KCTD8: variants seen among roughly 807,000 people sequenced by gnomAD.
KCTD8 encodes potassium channel tetramerization domain containing 8.
A neutral mutation model predicts 31.5 loss-of-function variants in KCTD8; 27 were observed. The observed-to-expected ratio is 0.86, with a 90% CI of 0.63 to 1.18. KCTD8 has a LOEUF of 1.18. KCTD8 is among the 50% of genes most tolerant of loss of function. KCTD8 has a pLI of 0.00. For missense variants in KCTD8, 658 were observed against 647.7 expected, an observed-to-expected ratio of 1.02 and a Z score of -0.17; for synonymous variants, 290 against 280.0, an observed-to-expected ratio of 1.04 and a Z score of -0.36.
At chr4:44,260,403 T>G (rs1442680057) in intron 1 of KCTD8, among the ~76,000 whole-genome samples, 1 of 151,696 alleles carries the variant, frequency 6.6e-6, no homozygotes, top group Non-Finnish European at 1.5e-5. Context: ...GCAAAAAAAG[T>G]TGAGAACAAC....
intron 1 of KCTD8, among the ~76,000 whole-genome samples, chr4:44,219,853 T>C (rs116472924): frequency 0.02 from 3,065 of 152,314 alleles, 57 homozygotes; most frequent in Non-Finnish European, 0.029. Context: ...ATGACTGACC[T>C]GTATCAGCGA....
intron 1 of KCTD8, among the ~76,000 whole-genome samples, chr4:44,307,736 T>G (rs748154613): frequency 6.6e-6 from 1 of 152,048 alleles, no homozygotes; most frequent in Non-Finnish European, 1.5e-5. Flanking sequence ...GTTTTCATTA[T>G]ATCAACTGAC....
chr4:44,342,840 T>G (rs1164124058), intron 1 of KCTD8, among the ~76,000 whole-genome samples: 1 of 152,228 alleles, frequency 6.6e-6, no homozygotes, highest in East Asian at 1.9e-4. Flanking sequence ...TTCTGAAACC[T>G]CATGCACTAA....
At chr4:44,355,558 G>T (rs1365232176) in intron 1 of KCTD8, among the ~76,000 whole-genome samples, 6 of 152,092 alleles carry the variant, frequency 3.9e-5, no homozygotes, top group Admixed American at 6.5e-5. Flanking sequence ...ATTATAGATG[G>T]TTCTAATTCT....
At chr4:44,330,044 C>T (rs1718556233) in intron 1 of KCTD8, among the ~76,000 whole-genome samples, 1 of 151,728 alleles carries the variant, frequency 6.6e-6, no homozygotes, top group Non-Finnish European at 1.5e-5. Flanking sequence ...TATAGAAAAG[C>T]CCCATCAATT....
intron 1 of KCTD8, among the ~76,000 whole-genome samples, chr4:44,301,525 G>A (rs1180123643): frequency 6.6e-6 from 1 of 152,160 alleles, no homozygotes; most frequent in Admixed American, 6.5e-5. Context: ...CTTTTGAGAA[G>A]TGTCTGTTCA....
At chr4:44,399,226 T>A (rs1023874752) in intron 1 of KCTD8, among the ~76,000 whole-genome samples, 1 of 151,880 alleles carries the variant, frequency 6.6e-6, no homozygotes, top group Non-Finnish European at 1.5e-5. Flanking sequence ...ACAATTTCAA[T>A]CAAGAAAGTA....
chr4:44,389,970 T>C (rs182838386), intron 1 of KCTD8, among the ~76,000 whole-genome samples: 37 of 152,134 alleles, frequency 2.4e-4, no homozygotes, highest in African/African-American at 8.2e-4. Flanking sequence ...TAGCCTACTT[T>C]TTGATGGGAT....
At position 44,181,730 on chromosome 4, in the gene KCTD8, C is replaced by T. The variant is rs1306658924; in HGVS notation, c.962-6480G>A. ...CCCATTGTCTGGGATGCCAGGAGCCCCTCTGCCCGGCTGCCCAGTCTGGGA... is the reference window on the plus strand; with the variant it reads ...CCCATTGTCTGGGATGCCAGGAGCCTCTCTGCCCGGCTGCCCAGTCTGGGA... On this transcript the variant is annotated intron_variant, in intron 1 of 1. Transcript: ENST00000360029. 3.3e-5 allele frequency among the ~76,000 whole-genome samples: 5 copies of T among 152,200 alleles called. No homozygotes were observed. In the East Asian group the frequency reaches 5.8e-4, roughly 18 times the overall value.
At chr4:44,286,921 G>C (rs370462938) in intron 1 of KCTD8, among the ~76,000 whole-genome samples, 1 of 152,036 alleles carries the variant, frequency 6.6e-6, no homozygotes, top group African/African-American at 2.4e-5. Flanking sequence ...GAGTGACTGA[G>C]GTAAAATGAA....
chr4:44,323,668 T>G (rs1718363194), intron 1 of KCTD8, among the ~76,000 whole-genome samples: 1 of 151,908 alleles, frequency 6.6e-6, no homozygotes, highest in South Asian at 2.1e-4. Context: ...AAAATTACTT[T>G]CAGTGGCAAA....
chr4:44,342,366 CAAAAA>C (rs34201696), intron 1 of KCTD8, among the ~76,000 whole-genome samples: 1 of 87,522 alleles, frequency 1.1e-5, no homozygotes, highest in African/African-American at 4.4e-5. Context: ...AAGACTGTCT[CAAAAA>C]AAAAAAAAAA....
At chr4:44,303,119 G>A (rs1717680676) in intron 1 of KCTD8, among the ~76,000 whole-genome samples, 1 of 152,118 alleles carries the variant, frequency 6.6e-6, no homozygotes. Context: ...GATTCCGTTT[G>A]CCAGTATTTT....
chr4:44,392,027 A>T, intron 1 of KCTD8, among the ~76,000 whole-genome samples: 1 of 152,176 alleles, frequency 6.6e-6, no homozygotes, highest in African/African-American at 2.4e-5. Flanking sequence ...ACGGAGTCTT[A>T]CCAACTGTCA....
intron 1 of KCTD8, among the ~76,000 whole-genome samples, chr4:44,362,135 A>T (rs1210122765): frequency 6.6e-6 from 1 of 152,166 alleles, no homozygotes; most frequent in East Asian, 1.9e-4. Flanking sequence ...GAAACAGAAA[A>T]GCCAAACACA....
intron 1 of KCTD8, among the ~76,000 whole-genome samples, chr4:44,273,618 G>T (rs1046488913): frequency 6.6e-6 from 1 of 151,878 alleles, no homozygotes; most frequent in Non-Finnish European, 1.5e-5. Context: ...TAAATTGCCA[G>T]AATACTTTAT....
chr4:44,283,223 T>G (rs1243317393), intron 1 of KCTD8, among the ~76,000 whole-genome samples: 7 of 151,970 alleles, frequency 4.6e-5, no homozygotes, highest in African/African-American at 1.7e-4. Flanking sequence ...CTAATTTTTG[T>G]ATTTTTAGTA....
At chr4:44,409,646 G>T (rs1281934889) in intron 1 of KCTD8, among the ~76,000 whole-genome samples, 2 of 151,758 alleles carry the variant, frequency 1.3e-5, no homozygotes, top group Non-Finnish European at 2.9e-5. Context: ...ATTGACAAAG[G>T]TCACTGAACT....
intron 1 of KCTD8, among the ~76,000 whole-genome samples, chr4:44,349,231 T>G (rs1238211516): frequency 6.6e-6 from 1 of 152,234 alleles, no homozygotes; most frequent in East Asian, 1.9e-4. Flanking sequence ...TTGTGGATAA[T>G]GTCTGTGAAA....
Sources: gnomAD v4.1 joint callset for allele counts (sites outside exome capture counted in the v4.1 genomes callset) on GRCh38, gnomAD v4.1.1 for gene constraint, MANE v1.5 for transcripts, NCBI Gene and HGNC (gene_info 2026-07-23, HGNC 2026-07-21) for gene names.